Variants in ADSS1 observed in about 807,000 individuals in gnomAD.
The protein encoded by ADSS1 is adenylosuccinate synthetase isozyme 1.
ADSS1 carries 57 observed loss-of-function variants against 59.1 expected under a neutral mutation model. The observed-to-expected ratio is 0.97, with a 90% confidence interval of 0.78 to 1.20. The LOEUF (loss-of-function observed/expected upper bound fraction) is 1.20. Among genes scored for constraint, ADSS1 ranks in the 50% most tolerant of loss-of-function variants. The pLI, the probability that ADSS1 is intolerant of heterozygous loss-of-function variation, is 0.00. For synonymous variants in ADSS1, 247 were observed against 249.4 expected (o/e 0.99, Z 0.09); for missense variants, 603 against 610.3 (o/e 0.99, Z 0.13).
intron 2 of ADSS1, among the ~76,000 whole-genome samples, chr14:104,736,772 A>G (rs538236549): frequency 2.0e-5 from 3 of 151,350 alleles, no homozygotes; most frequent in South Asian, 4.2e-4. Context: ...CTGGAATGCA[A>G]TGGCACAGTC....
intron 1 of ADSS1, among the ~76,000 whole-genome samples, chr14:104,732,479 G>T (rs933248671): frequency 6.6e-6 from 1 of 152,226 alleles, no homozygotes; most frequent in Non-Finnish European, 1.5e-5. Context: ...CAGGCCCCAG[G>T]CTCAGCGTCC....
At chr14:104,730,958 TGGGGGGG>T (rs60540767) in intron 1 of ADSS1, among the ~76,000 whole-genome samples, 1 of 32,046 alleles carries the variant, frequency 3.1e-5, no homozygotes, top group African/African-American at 8.9e-5. Flanking sequence ...AGGCAGAGAG[TGGGGGGG>T]GGGGGGGGGC....
At chr14:104,739,691 C>A (rs1298707679) in intron 4 of ADSS1, 59 bp from the exon 5 acceptor site, 1 of 1,578,388 alleles carries the variant, frequency 6.3e-7, no homozygotes, top group East Asian at 2.2e-5. Flanking sequence ...TCCATGTATA[C>A]ACATCTGTCC....
At chr14:104,730,162 C>T in intron 1 of ADSS1, 2 of 1,541,398 alleles carry the variant, frequency 1.3e-6, no homozygotes, top group South Asian at 1.2e-5. Flanking sequence ...GCCACACCTG[C>T]CTGCCCAGGA....
rs762811757 is a variant in ADSS1, at chr14:104,746,220, T to C, written c.1172-16T>C. On this transcript the variant is annotated splice_polypyrimidine_tract_variant and intron_variant, in intron 11 of 12. Coordinates refer to ENST00000330877, the MANE Select transcript of ADSS1 (RefSeq NM_152328.5). Reference sequence around the variant, plus strand: ...AGGTCTGTGGGCCCCACTCATCTCCTGTGTGCTTCCCCCAGCTAACCAGGA... The same window carrying C: ...AGGTCTGTGGGCCCCACTCATCTCCCGTGTGCTTCCCCCAGCTAACCAGGA... 6.2e-7 allele frequency: 1 copy of C among 1,600,302 alleles called. No individual in the cohort carries two copies. The highest frequency in any genetic ancestry group is 1.1e-5 in the South Asian group (1 of 90,322).
chr14:104,726,696 G>C (rs1029903962), intron 1 of ADSS1, among the ~76,000 whole-genome samples: 1 of 152,212 alleles, frequency 6.6e-6, no homozygotes, highest in Non-Finnish European at 1.5e-5. Context: ...GTCTCCAGGC[G>C]CACAGAGGCC....
rs755917775 is a variant in ADSS1, at chr14:104,741,875, A to C, written c.821A>C (p.Asn274Thr). 1 of 1,613,364 alleles carries C rather than the reference A, an allele frequency of 6.2e-7. No homozygotes were observed. The highest frequency in any genetic ancestry group is 1.1e-5 in the South Asian group (1 of 91,090). The stretch of plus-strand genomic sequence containing the variant: ...ACCTACCCCTTTGTGACTTCATCCA[A>C]CTGCACCGTGGGCGGTGTGTGCACG... The part of the protein sequence containing the change: ...FGTYPFVTSS[N>T]CTVGGVCTGL... The change falls in exon 9 of 13, where the codon AAC (asparagine) becomes ACC (threonine). Residue 274 changes from asparagine to threonine, a missense_variant. Coordinates refer to ENST00000330877, the MANE Select transcript of ADSS1 (RefSeq NM_152328.5).
At chr14:104,735,677 T>TCGCCTGC (rs1373645578) in intron 2 of ADSS1, among the ~76,000 whole-genome samples, 3 of 152,054 alleles carry the variant, frequency 2.0e-5, no homozygotes, top group African/African-American at 7.3e-5. Flanking sequence ...TCCTTCCACA[T>TCGCCTGC]CGCCTGCCCC....
At chr14:104,739,096 G>C (rs1055456487) in intron 3 of ADSS1, among the ~76,000 whole-genome samples, 7 of 152,198 alleles carry the variant, frequency 4.6e-5, no homozygotes, top group Admixed American at 1.3e-4. Flanking sequence ...GCAGGCACGA[G>C]AGTGGGCATC....
chr14:104,740,471 A>T lies in ADSS1; in HGVS notation c.477-130A>T. The T allele has an allele frequency of 1.3e-6, 1 of 783,936 alleles. No individual in the cohort carries two copies. The highest frequency in any genetic ancestry group is 2.1e-6 in the Non-Finnish European group (1 of 471,444). The allele number at this position is 783,936 out of a possible 1,614,324, so 48.6% of individuals were successfully genotyped here. ...TACACCCACACACGCACACACTCAC[A>T]GCTCAGCCAGACACAGGCAGCAATG... On this transcript the variant is annotated intron_variant, in intron 5 of 12. Transcript: ENST00000330877. This position sits in a 1 kb window ranked among gnomAD's most constrained non-coding sequence, Gnocchi z 4.8.
rs770225306 is a variant in ADSS1 at position 104,739,794 on chromosome 14, C to T, written c.454C>T (p.Arg152Cys). ...QAVDGLQEVQRQAQEGKNIGT... is the reference protein window; with the variant it reads ...QAVDGLQEVQCQAQEGKNIGT... ...TGTCGACGGACTTCAGGAAGTGCAG[C>T]GCCAGGCACAAGAGGGGAAGAAGTA... The change falls in exon 5 of 13, where the codon CGC becomes TGC. Residue 152 changes from arginine to cysteine, a missense_variant. By Grantham distance (180) the Arg-to-Cys change is radical. Transcript: ENST00000330877. 9 of 1,613,900 alleles carry T rather than the reference C, an allele frequency of 5.6e-6. No individual in the cohort carries two copies. Among genetic ancestry groups the T allele is most frequent in the Admixed American group, 3.3e-5 (2 of 60,006 alleles).
chr14:104,741,792 G>A, intron 8 of ADSS1, 56 bp from the exon 9 acceptor site: 1 of 1,597,346 alleles, frequency 6.3e-7, no homozygotes, highest in Non-Finnish European at 8.5e-7. Flanking sequence ...CTTGGGCCGG[G>A]TGGAATAATC....
At chr14:104,730,632 G>C (rs1225965478) in intron 1 of ADSS1, among the ~76,000 whole-genome samples, 2 of 152,168 alleles carry the variant, frequency 1.3e-5, no homozygotes, top group Non-Finnish European at 2.9e-5. Flanking sequence ...AAAATGCCTG[G>C]AGGGACCAGC....
intron 1 of ADSS1, among the ~76,000 whole-genome samples, chr14:104,724,813 C>T (rs1233898076): frequency 6.6e-6 from 1 of 152,148 alleles, no homozygotes; most frequent in African/African-American, 2.4e-5. Flanking sequence ...CCAGAGGACC[C>T]AGCCCCAGGA....
Position 104,747,153 on chromosome 14 carries a change from C to T in ADSS1, c.*150C>T. ...TTTCTGTTCAACCTGTTGGTTTCTA[C>T]AATGATTTTAAACATTGGAAAGCCA... On this transcript the variant is annotated 3_prime_UTR_variant, in exon 13 of 13. Coordinates refer to ENST00000330877, the MANE Select transcript of ADSS1 (RefSeq NM_152328.5). 1.5e-6 allele frequency: 1 copy of T among 666,774 alleles called. No homozygotes were observed. The highest frequency in any genetic ancestry group is 3.3e-5 in the Admixed American group (1 of 30,318). 41.3% of individuals were successfully genotyped at this position (666,774 alleles called of 1,614,324 possible). A position where few individuals can be genotyped will look rare whatever the true frequency, so the allele number is the denominator to read the frequency against.
At chr14:104,737,126 C>T (rs1891165021) in intron 2 of ADSS1, 1 of 151,964 alleles carries the variant, frequency 6.6e-6, no homozygotes, top group Admixed American at 6.5e-5. Context: ...CCTCTGGGTT[C>T]ACACTTGGTG....
chr14:104,734,782 G>A (rs1182458536), intron 1 of ADSS1, among the ~76,000 whole-genome samples: 1 of 152,200 alleles, frequency 6.6e-6, no homozygotes, highest in Non-Finnish European at 1.5e-5. Context: ...GTTGGCACCA[G>A]CCTGGGCCAG....
Position 104,742,879 on chromosome 14 carries a change from C to T in ADSS1, c.949-188C>T, listed in dbSNP as rs574437300. Among the ~76,000 whole-genome samples, 5 of 152,328 alleles carry T rather than the reference C, an allele frequency of 3.3e-5. No individual in the cohort carries two copies. The East Asian group carries it at 9.6e-4, about 29-fold the overall frequency. On this transcript the variant is annotated intron_variant, in intron 9 of 12. Coordinates refer to ENST00000330877, the MANE Select transcript of ADSS1 (RefSeq NM_152328.5). ...TGGGCCAGGCCTTGCCCATTGTGAGCCTCAGCTGCTGGACAGGCTTACCAG... is the reference window on the plus strand; with the variant it reads ...TGGGCCAGGCCTTGCCCATTGTGAGTCTCAGCTGCTGGACAGGCTTACCAG...
intron 1 of ADSS1, among the ~76,000 whole-genome samples, chr14:104,730,401 A>G (rs1890879061): frequency 6.6e-6 from 1 of 152,092 alleles, no homozygotes; most frequent in South Asian, 2.1e-4. Context: ...GAGGTGGTAG[A>G]ATAGCTTGAA....
Sources: allele counts gnomAD v4.1 joint callset (sites outside exome capture counted in the v4.1 genomes callset), GRCh38; gene constraint gnomAD v4.1.1; non-coding constraint Gnocchi (gnomAD v3.1); transcripts MANE v1.5; gene names NCBI Gene and HGNC (gene_info 2026-07-23, HGNC 2026-07-21).